SFXN5: variants seen among roughly 807,000 people sequenced by gnomAD.
SFXN5 encodes sideroflexin-5.
A neutral mutation model predicts 50.2 loss-of-function variants in SFXN5; 43 were observed. The ratio of observed to expected loss-of-function variants is 0.86; its 90% CI spans 0.67 to 1.11. The LOEUF (loss-of-function observed/expected upper bound fraction) is 1.11, where lower values mean the gene tolerates loss of function less well. Ranked by LOEUF, SFXN5 falls within the 50% of genes least tolerant of loss-of-function variation. The pLI, the probability that SFXN5 is intolerant of heterozygous loss-of-function variation, is 0.00. For missense variants in SFXN5, 463 were observed against 454.1 expected, an observed-to-expected ratio of 1.02 and a Z score of -0.18; for synonymous variants, 203 against 185.8, an observed-to-expected ratio of 1.09 and a Z score of -0.75.
chr2:73,003,755 T>A (rs1674236066), intron 6 of SFXN5, among the ~76,000 whole-genome samples: 1 of 152,222 alleles, frequency 6.6e-6, no homozygotes, highest in Admixed American at 6.5e-5. Flanking sequence ...AAAAGTGACA[T>A]CAAGTCTTTT....
chr2:73,035,832 C>T (rs371349560), intron 3 of SFXN5, among the ~76,000 whole-genome samples: 4 of 152,194 alleles, frequency 2.6e-5, no homozygotes, highest in Non-Finnish European at 5.9e-5. Flanking sequence ...GTAACGGTCC[C>T]TGGAGGAGAG....
intron 6 of SFXN5, among the ~76,000 whole-genome samples, chr2:73,009,293 G>A (rs999282938): frequency 6.6e-6 from 1 of 152,264 alleles, no homozygotes; most frequent in Non-Finnish European, 1.5e-5. Flanking sequence ...GCAGGGCCTT[G>A]GAGAAGCTGA....
chr2:73,071,355 G>C (rs557373040), intron 1 of SFXN5: 31 of 501,086 alleles, frequency 6.2e-5, no homozygotes, highest in African/African-American at 5.6e-4. Context: ...GGGCGGGAAA[G>C]GCTAGAGGGC....
intron 9 of SFXN5, among the ~76,000 whole-genome samples, chr2:72,995,177 C>T (rs141741340): frequency 6.6e-6 from 1 of 152,338 alleles, no homozygotes; most frequent in East Asian, 1.9e-4. Context: ...CTTACTTCCT[C>T]TCACCCTCGT....
rs528255500 is a variant in SFXN5 at position 72,986,790 on chromosome 2, C to T, written c.625+1468G>A. On this transcript the variant is annotated intron_variant, in intron 10 of 13. Coordinates refer to ENST00000272433, the MANE Select transcript of SFXN5 (RefSeq NM_144579.3). ...GCATCTCCAGGGCCCCAGCCTGGGG[C>T]ATCTATGGTGAGCTCATAGACTCCA... 4.6e-5 allele frequency among the ~76,000 whole-genome samples: 7 copies of T among 152,296 alleles called. No homozygotes were observed. The South Asian group carries it at 1.4e-3, about 32-fold the overall frequency.
At chr2:73,005,289 CT>C (rs1674487685) in intron 6 of SFXN5, among the ~76,000 whole-genome samples, 3 of 152,228 alleles carry the variant, frequency 2.0e-5, no homozygotes, top group Non-Finnish European at 2.9e-5. Flanking sequence ...CTCCAGCCCC[CT>C]GGCAGCTGTG....
At chr2:73,046,845 AT>A (rs960820977) in intron 2 of SFXN5, among the ~76,000 whole-genome samples, 1 of 151,476 alleles carries the variant, frequency 6.6e-6, no homozygotes, top group African/African-American at 2.4e-5. Flanking sequence ...TCTAAAATAC[AT>A]TTTTTTCTTT....
At chr2:73,018,783 G>C (rs1179404018) in intron 6 of SFXN5, among the ~76,000 whole-genome samples, 1 of 152,160 alleles carries the variant, frequency 6.6e-6, no homozygotes, top group African/African-American at 2.4e-5. Context: ...ACCTAAAATA[G>C]TGTTATGTGG....
At chr2:72,991,807 C>T (rs1028051088) in intron 9 of SFXN5, among the ~76,000 whole-genome samples, 5 of 152,184 alleles carry the variant, frequency 3.3e-5, no homozygotes, top group Non-Finnish European at 7.3e-5. Context: ...GTATTAATGG[C>T]ACACAGCTCA....
intron 6 of SFXN5, among the ~76,000 whole-genome samples, chr2:73,016,703 AAAACAAAC>A (rs765610295): frequency 1.3e-5 from 2 of 152,178 alleles, no homozygotes; most frequent in Admixed American, 1.3e-4. Flanking sequence ...GACTCTGTCT[AAAACAAAC>A]AAACAAACAA....
rs946198910 is a variant in SFXN5 at position 72,944,028 on chromosome 2, C to T, written c.*994G>A. On this transcript the variant is annotated 3_prime_UTR_variant, in exon 14 of 14. Transcript: ENST00000272433. ...TCTAAGGAGCTGGCCTAGGCATTCT[C>T]AGGCATGAGACCTTCCTGCTTAGAA... 6.6e-6 allele frequency: 1 copy of T among 152,290 alleles called. No homozygotes were observed. Among genetic ancestry groups the T allele is most frequent in the Admixed American group, 6.5e-5 (1 of 15,292 alleles). 9.4% of individuals were successfully genotyped at this position (152,290 alleles called of 1,614,324 possible).
At chr2:72,951,966 C>T (rs1435086100) in intron 13 of SFXN5, among the ~76,000 whole-genome samples, 1 of 152,188 alleles carries the variant, frequency 6.6e-6, no homozygotes, top group East Asian at 1.9e-4. Context: ...TGTCCTGTTC[C>T]GACACACACA....
Position 72,953,243 on chromosome 2 carries a change from A to T in SFXN5, c.945+7888T>A, listed in dbSNP as rs1202028363. On this transcript the variant is annotated intron_variant, in intron 13 of 13. Transcript: ENST00000272433. This position sits in a 1 kb window ranked among gnomAD's most constrained non-coding sequence, Gnocchi z 4.1. Reference sequence around the variant, plus strand: ...GGGTCCTGTGGGCAAACTCCAAGAAAGCAGCGGGCGGGGAGGCAGCAGATT... The same window carrying T: ...GGGTCCTGTGGGCAAACTCCAAGAATGCAGCGGGCGGGGAGGCAGCAGATT... Among the ~76,000 whole-genome samples the T allele has an allele frequency of 6.6e-6, 1 of 152,166 alleles. No individual in the cohort carries two copies. The highest frequency in any genetic ancestry group is 1.5e-5 in the Non-Finnish European group (1 of 68,042).
At chr2:73,043,730 T>C (rs1679943606) in intron 2 of SFXN5, among the ~76,000 whole-genome samples, 1 of 152,178 alleles carries the variant, frequency 6.6e-6, no homozygotes. Context: ...AGTTAATTCA[T>C]GCTGTTTAAA....
intron 10 of SFXN5, among the ~76,000 whole-genome samples, chr2:72,984,406 A>G (rs1189372526): frequency 6.6e-6 from 1 of 152,240 alleles, no homozygotes; most frequent in Non-Finnish European, 1.5e-5. Flanking sequence ...CAGAACAGGG[A>G]GGACACCGCG....
rs747908662 is a variant in SFXN5 at position 73,071,646 on chromosome 2, G to A, written c.60C>T (p.Ser20=). The change falls in exon 1 of 14, where the codon AGC becomes AGT. Residue 20 remains serine, a synonymous_variant. Coordinates refer to ENST00000272433, the MANE Select transcript of SFXN5 (RefSeq NM_144579.3). ...TGCCCAGTTGGAAAGGAGGTGCATC[G>A]CTCGAGGCGCTAGCGGCACTAGCCG... ...AAAASAASAS[S]DAPPFQLGKP... is the part of the protein sequence containing the mutation. 1 of 1,613,608 alleles carries A rather than the reference G, an allele frequency of 6.2e-7. No individual in the cohort carries two copies.
Position 72,960,660 on chromosome 2 carries a change from C to A in SFXN5, c.945+471G>T, listed in dbSNP as rs1415561842. Reference sequence around the variant, plus strand: ...CCCAACACCACCCAGCCCAGCCCCTCATTCCCAGGCCACATCACCTTGCTG... The same window carrying A: ...CCCAACACCACCCAGCCCAGCCCCTAATTCCCAGGCCACATCACCTTGCTG... On this transcript the variant is annotated intron_variant, in intron 13 of 13. Transcript: ENST00000272433. This position sits in a 1 kb window ranked among gnomAD's most constrained non-coding sequence, Gnocchi z 6.1. Among the ~76,000 whole-genome samples, 1 of 152,174 alleles carries A rather than the reference C, an allele frequency of 6.6e-6. No homozygotes were observed. The highest frequency in any genetic ancestry group is 1.5e-5 in the Non-Finnish European group (1 of 68,032).
At chr2:72,959,985 T>C (rs1473030459) in intron 13 of SFXN5, among the ~76,000 whole-genome samples, 1 of 151,956 alleles carries the variant, frequency 6.6e-6, no homozygotes, top group Non-Finnish European at 1.5e-5. Flanking sequence ...TCTCATGGAG[T>C]GTGACCTCTC....
chr2:73,001,616 A>T lies in SFXN5; in HGVS notation c.358-38T>A, dbSNP rs1355929009. On this transcript the variant is annotated intron_variant, in intron 6 of 13. Coordinates refer to ENST00000272433, the MANE Select transcript of SFXN5 (RefSeq NM_144579.3). ...GAGAAGAAATGCTGAAAAAGGCAGA[A>T]GAAACATCCTATGCTTTTGCAAAGA... The T allele has an allele frequency of 1.9e-6, 3 of 1,604,860 alleles. No homozygotes were observed. The East Asian group carries it at 6.7e-5, about 36-fold the overall frequency.
Sources: allele counts gnomAD v4.1 joint callset (sites outside exome capture counted in the v4.1 genomes callset), GRCh38; gene constraint gnomAD v4.1.1; non-coding constraint Gnocchi (gnomAD v3.1); transcripts MANE v1.5; gene names NCBI Gene and HGNC (gene_info 2026-07-23, HGNC 2026-07-21).